CFAP92: variants seen among roughly 807,000 people sequenced by gnomAD.
CFAP92 encodes the protein uncharacterized protein CFAP92.
A neutral mutation model predicts 106.3 loss-of-function variants in CFAP92; 86 were observed. The ratio of observed to expected loss-of-function variants is 0.81; its 90% CI spans 0.68 to 0.97. The LOEUF is 0.97. Ranked by LOEUF, CFAP92 falls within the 50% of genes least tolerant of loss-of-function variation. The pLI is 0.00. For synonymous variants in CFAP92, 477 were observed against 506.4 expected, an observed-to-expected ratio of 0.94 and a Z score of 0.78; for missense variants, 1,204 against 1,283.8, an observed-to-expected ratio of 0.94 and a Z score of 0.95.
chr3:129,005,439 T>C (rs1945029645), upstream of CFAP92, among the ~76,000 whole-genome samples: 1 of 152,158 alleles, frequency 6.6e-6, no homozygotes, highest in South Asian at 2.1e-4. Flanking sequence ...GGGAGGCCCA[T>C]TTAGGGCCTG....
At chr3:128,928,808 C>A (rs994960444) in intron 12 of CFAP92, among the ~76,000 whole-genome samples, 1 of 151,952 alleles carries the variant, frequency 6.6e-6, no homozygotes, top group African/African-American at 2.4e-5. Context: ...AAATTAAGAA[C>A]TTTTATACTT....
At chr3:128,952,995 C>T (rs571030063) in intron 9 of CFAP92, among the ~76,000 whole-genome samples, 2 of 152,150 alleles carry the variant, frequency 1.3e-5, no homozygotes, top group South Asian at 2.1e-4. Flanking sequence ...AGGCAGAGAA[C>T]TGCTTGAACC....
intron 2 of CFAP92, 72 bp from the exon 3 acceptor site, chr3:128,988,990 T>A: frequency 8.4e-7 from 1 of 1,184,088 alleles, no homozygotes; most frequent in Non-Finnish European, 1.2e-6. Flanking sequence ...CCCAGTTCCC[T>A]GGAGCTTGAT....
intron 12 of CFAP92, among the ~76,000 whole-genome samples, chr3:128,920,844 C>T (rs545327346): frequency 1.3e-5 from 2 of 152,296 alleles, no homozygotes; most frequent in East Asian, 1.9e-4. Flanking sequence ...CTTGTTGGCT[C>T]CTTGCTTCTA....
intron 9 of CFAP92, among the ~76,000 whole-genome samples, chr3:128,953,603 CTCTCCCTCTCCCTCTCCCTCCCTCTCCG>C (rs1160202504): frequency 3.3e-5 from 4 of 119,742 alleles, no homozygotes; most frequent in African/African-American, 1.3e-4. Context: ...CTCCCTCCCC[CTCTCCCTCTCCCTCTCCCTCCCTCTCCG>C]TCTCCCTCTC....
In CFAP92 at chr3:128,975,765, C is replaced by T; in HGVS notation, c.1021+14G>A. The T allele has an allele frequency of 6.4e-7, 1 of 1,563,460 alleles. No individual in the cohort carries two copies. On this transcript the variant is annotated intron_variant, in intron 7 of 15. Coordinates refer to ENST00000645291, the MANE Select transcript of CFAP92 (RefSeq NM_001394090.1). ...AGTTATATTATAAAATTCCCAAATC[C>T]TATCCTAACTTACTTTGAGACCTTT...
upstream of CFAP92, among the ~76,000 whole-genome samples, chr3:129,005,090 T>C (rs990225410): frequency 3.3e-5 from 5 of 152,348 alleles, no homozygotes; most frequent in South Asian, 1.0e-3. Context: ...ACTACACATT[T>C]GCTGAGCACT....
intron 12 of CFAP92, among the ~76,000 whole-genome samples, chr3:128,917,958 A>G (rs1284217366): frequency 6.6e-6 from 1 of 152,252 alleles, no homozygotes; most frequent in Non-Finnish European, 1.5e-5. Context: ...GCCTGGGTAC[A>G]CTATTATTAG....
chr3:128,977,953 C>T lies in CFAP92; in HGVS notation c.808+92G>A. 2.0e-6 allele frequency: 3 copies of T among 1,522,092 alleles called. No individual in the cohort carries two copies. The South Asian group carries it at 3.6e-5, about 18-fold the overall frequency. The allele number at this position is 1,522,092 out of a possible 1,614,324, so 94.3% of individuals were successfully genotyped here. A position where few individuals can be genotyped will look rare whatever the true frequency, so the allele number is the denominator to read the frequency against. On this transcript the variant is annotated intron_variant, in intron 5 of 15. Coordinates refer to ENST00000645291, the MANE Select transcript of CFAP92 (RefSeq NM_001394090.1). ...TGCTGCCAATACACAGGAGGGACGC[C>T]CATGCAGATGCATTGCTCCAGCACA...
intron 5 of CFAP92, 78 bp from the exon 6 acceptor site, chr3:128,977,144 C>T: frequency 9.0e-7 from 1 of 1,108,668 alleles, no homozygotes; most frequent in South Asian, 1.3e-5. Flanking sequence ...TGACCCATTT[C>T]TGTAATGTCA....
chr3:128,955,009 GT>G, intron 9 of CFAP92, among the ~76,000 whole-genome samples: 1 of 29,772 alleles, frequency 3.4e-5, no homozygotes, highest in East Asian at 1.6e-3. Flanking sequence ...CGTCCGGGAG[GT>G]GAGGGGCGCC....
At chr3:128,951,793 G>A (rs1026959809) in intron 9 of CFAP92, among the ~76,000 whole-genome samples, 1 of 152,146 alleles carries the variant, frequency 6.6e-6, no homozygotes, top group African/African-American at 2.4e-5. Context: ...AGAAACAAAG[G>A]CTACATGGGA....
At chr3:128,973,951 C>G (rs768996672) in intron 7 of CFAP92, among the ~76,000 whole-genome samples, 1 of 152,212 alleles carries the variant, frequency 6.6e-6, no homozygotes, top group Non-Finnish European at 1.5e-5. Flanking sequence ...GTGAACTTTC[C>G]TATCTTTATT....
chr3:128,921,437 C>T (rs1030613756), intron 12 of CFAP92, among the ~76,000 whole-genome samples: 3 of 152,182 alleles, frequency 2.0e-5, no homozygotes, highest in Non-Finnish European at 4.4e-5. Flanking sequence ...CTATTAGACC[C>T]CTGACAGGGA....
intron 9 of CFAP92, among the ~76,000 whole-genome samples, chr3:128,947,842 G>GA (rs143577100): frequency 6.7e-6 from 1 of 150,138 alleles, no homozygotes; most frequent in Non-Finnish European, 1.5e-5. Flanking sequence ...TCTCAAAAAA[G>GA]AAAAAAATTG....
In CFAP92 at chr3:128,976,205, T is replaced by A. The variant is rs140207319; in HGVS notation, c.897-302A>T. On this transcript the variant is annotated intron_variant, in intron 6 of 15. Coordinates refer to ENST00000645291, the MANE Select transcript of CFAP92 (RefSeq NM_001394090.1). ...CAAGATACTAACAAACTCAAAAATATGATGGAAAATAATATATTTTAATAA... is the reference window on the plus strand; with the variant it reads ...CAAGATACTAACAAACTCAAAAATAAGATGGAAAATAATATATTTTAATAA... 6.9e-3 allele frequency among the ~76,000 whole-genome samples: 1,049 copies of A among 152,158 alleles called. 8 individuals are homozygous for A. Among genetic ancestry groups the A allele is most frequent in the Admixed American group, 0.015 (229 of 15,274 alleles).
Position 128,945,936 on chromosome 3 carries a change from T to C in CFAP92, c.1393A>G (p.Lys465Glu), listed in dbSNP as rs1282354251. 1 of 1,448,848 alleles carries C rather than the reference T, an allele frequency of 6.9e-7. No homozygotes were observed. Among genetic ancestry groups the C allele is most frequent in the African/African-American group, 1.4e-5 (1 of 69,892 alleles). 89.7% of individuals were successfully genotyped at this position (1,448,848 alleles called of 1,614,324 possible). ...CCCTTGGTCTTGTGAACTGGAGTCT[T>C]ATGGAACTGGTACTTGCAGTACACA... ...MPVYCKYQFH[K>E]TPVHKTKGEP... The change falls in exon 10 of 16, where the codon AAG (lysine) becomes GAG (glutamate). Residue 465 changes from lysine to glutamate, a missense_variant. Transcript: ENST00000645291.
At chr3:129,009,761 C>T in the CFAP92 span, among the ~76,000 whole-genome samples, 1 of 152,196 alleles carries the variant, frequency 6.6e-6, no homozygotes, top group Non-Finnish European at 1.5e-5. Flanking sequence ...CAGCTCAAGA[C>T]TGTGAACTCT....
At chr3:128,972,089 A>T (rs1187064182) in intron 7 of CFAP92, among the ~76,000 whole-genome samples, 1 of 152,254 alleles carries the variant, frequency 6.6e-6, no homozygotes, top group East Asian at 1.9e-4. Context: ...TCAGTGGATA[A>T]GTTATATTGA....
Sources: gnomAD v4.1 joint callset for allele counts (sites outside exome capture counted in the v4.1 genomes callset) on GRCh38, gnomAD v4.1.1 for gene constraint, MANE v1.5 for transcripts, NCBI Gene and HGNC (gene_info 2026-07-23, HGNC 2026-07-21) for gene names.